The following ABCF3 variants were observed in gnomAD, a reference collection of about 807,000 sequenced individuals.
ABCF3 encodes the protein ATP binding cassette subfamily F member 3, also known as ATP-binding cassette sub-family F member 3.
A neutral mutation model predicts 94.3 loss-of-function variants in ABCF3; 62 were observed. The observed-to-expected ratio is 0.66, with a 90% confidence interval of 0.54 to 0.81. The LOEUF (loss-of-function observed/expected upper bound fraction) is 0.81. Ranked by LOEUF, ABCF3 falls within the 40% of genes least tolerant of loss-of-function variation. ABCF3 has a pLI of 0.00. For synonymous variants in ABCF3, 355 were observed against 361.1 expected (o/e 0.98, Z 0.19); for missense variants, 843 against 925.3 (o/e 0.91, Z 1.15).
chr3:184,187,061 C>A, intron 3 of ABCF3, 186 bp downstream of exon 3: 1 of 669,740 alleles, frequency 1.5e-6, no homozygotes. Context: ...AGGGTTCTCC[C>A]TCCAAGCTCT....
rs374036545 is a variant in ABCF3, at chr3:184,188,207, T to C, written c.636T>C (p.Asn212=). The change falls in exon 7 of 21, where the codon AAT becomes AAC. Residue 212 remains asparagine (N), a synonymous_variant. Transcript: ENST00000429586. Reference sequence around the variant, plus strand: ...GCCGTTACGGGCTGGTGGGGCGGAATGGGTTGGGGAAGACAACGTTACTGA... The same window carrying C: ...GCCGTTACGGGCTGGTGGGGCGGAACGGGTTGGGGAAGACAACGTTACTGA... The part of the protein sequence containing the change: ...WGRRYGLVGR[N]GLGKTTLLKM... 3 of 1,613,946 alleles carry C rather than the reference T, an allele frequency of 1.9e-6. No homozygotes were observed. Among genetic ancestry groups the C allele is most frequent in the South Asian group, 2.2e-5 (2 of 91,080 alleles).
chr3:184,187,802 TTTTGCCTGGACAGAAG>T (rs1286186913), intron 5 of ABCF3, 41 bp downstream of exon 5: 1 of 1,614,082 alleles, frequency 6.2e-7, no homozygotes, highest in Non-Finnish European at 8.5e-7. Flanking sequence ...GCAGAGCAGC[TTTTGCCTGGACAGAAG>T]GTGGTGGGGA....
intron 3 of ABCF3, 27 bp downstream of exon 3, chr3:184,186,902 C>T (rs371664101): frequency 1.8e-4 from 282 of 1,604,796 alleles, no homozygotes; most frequent in South Asian, 1.2e-3. Context: ...GTTGAACTAA[C>T]TGCCCCCCTG....
Position 184,187,691 on chromosome 3 carries a change from G to A in ABCF3, c.376G>A (p.Ala126Thr). The A allele has an allele frequency of 4.3e-6, 7 of 1,614,224 alleles. No homozygotes were observed. Among genetic ancestry groups the A allele is most frequent in the Non-Finnish European group, 5.9e-6 (7 of 1,180,048 alleles). ...AGTGAATGCAAAGAAGTTAGAGAAG[G>A]CCGAGGCTCGACTTAAGGCAAAGCA... ...STVNAKKLEK[A>T]EARLKAKQEK... is the part of the protein sequence containing the mutation. Residue 126 changes from alanine to threonine, a missense_variant, in exon 5 of 21, where the codon GCC becomes ACC. By Grantham distance (58) the Ala-to-Thr change is moderately conservative (BLOSUM62 0). Coordinates refer to ENST00000429586, the MANE Select transcript of ABCF3 (RefSeq NM_018358.3).
chr3:184,188,213 G>T lies in ABCF3; in HGVS notation c.642G>T (p.Leu214Phe), dbSNP rs1466315252. ...RRYGLVGRNG[L>F]GKTTLLKMLA... is the part of the protein sequence containing the mutation. ...ACGGGCTGGTGGGGCGGAATGGGTTGGGGAAGACAACGTTACTGAAGATGC... is the reference window on the plus strand; with the variant it reads ...ACGGGCTGGTGGGGCGGAATGGGTTTGGGAAGACAACGTTACTGAAGATGC... Residue 214 changes from leucine to phenylalanine, a missense_variant, in exon 7 of 21, where the codon TTG becomes TTT. Transcript: ENST00000429586. 6.2e-7 allele frequency: 1 copy of T among 1,613,978 alleles called. No individual in the cohort carries two copies. The highest frequency in any genetic ancestry group is 2.2e-5 in the East Asian group (1 of 44,894).
intron 16 of ABCF3, 93 bp downstream of exon 16, chr3:184,191,348 G>T: frequency 6.3e-7 from 1 of 1,579,876 alleles, no homozygotes; most frequent in South Asian, 1.1e-5. Context: ...GTAAAGGGAC[G>T]AGGTCTGTGG....
intron 16 of ABCF3, 122 bp from the exon 17 acceptor site, chr3:184,192,479 G>A: frequency 1.1e-6 from 1 of 945,374 alleles, no homozygotes; most frequent in Non-Finnish European, 1.6e-6. Context: ...CCAGCCTCTA[G>A]TAACCACAAC....
chr3:184,193,121 C>A lies in ABCF3; in HGVS notation c.1770C>A (p.Tyr590Ter). The part of the protein sequence containing the change: ...RKFPGRPEEE[Y>*]RHQLGRYGIS... ...TTCCAGGGCGGCCTGAGGAGGAGTA[C>A]CGTCACCAGCTGGGTCGGTATGGCA... The change falls in exon 19 of 21, where the codon TAC (tyrosine) becomes TAA (stop). Residue 590 changes from tyrosine to a stop codon, truncating the protein, a stop_gained. Transcript: ENST00000429586. LOFTEE classifies it high-confidence loss of function. The surrounding 1 kb of genome is among the most constrained non-coding windows in gnomAD (Gnocchi z 5.2). 6.5e-7 allele frequency: 1 copy of A among 1,545,300 alleles called. No homozygotes were observed. Among genetic ancestry groups the A allele is most frequent in the Non-Finnish European group, 8.7e-7 (1 of 1,147,530 alleles).
chr3:184,191,222 T>G lies in ABCF3; in HGVS notation c.1536T>G (p.Ser512=). 1 of 1,614,250 alleles carries G rather than the reference T, an allele frequency of 6.2e-7. No homozygotes were observed. Among genetic ancestry groups the G allele is most frequent in the Non-Finnish European group, 8.5e-7 (1 of 1,180,044 alleles). The change falls in exon 16 of 21, where the codon TCT becomes TCG. Residue 512 remains serine (S), a synonymous_variant. Transcript: ENST00000429586. ...AGCACGTCATCTTCAGTCGCCTCTC[T>G]GTGTCTGCTGATCTCGAGTCTCGCA... is the stretch of plus-strand genomic sequence containing the variant. ...DPKHVIFSRL[S]VSADLESRIC...
At chr3:184,191,694 A>G (rs1289686593) in intron 16 of ABCF3, among the ~76,000 whole-genome samples, 1 of 148,816 alleles carries the variant, frequency 6.7e-6, no homozygotes, top group Non-Finnish European at 1.5e-5. Flanking sequence ...GCACTTAGCA[A>G]ATACTCAAGT....
intron 14 of ABCF3, 74 bp downstream of exon 14, chr3:184,190,005 G>GCC: frequency 6.6e-7 from 1 of 1,518,736 alleles, no homozygotes; most frequent in African/African-American, 1.4e-5. Context: ...CGCCACCCTT[G>GCC]CCCTACCATT....
chr3:184,191,406 C>A, intron 16 of ABCF3, 151 bp downstream of exon 16: 1 of 1,137,942 alleles, frequency 8.8e-7, no homozygotes, highest in Non-Finnish European at 1.3e-6. Context: ...CTTACACTAG[C>A]CCTGTCCTCT....
intron 15 of ABCF3, 34 bp from the exon 16 acceptor site, chr3:184,191,089 G>C: frequency 6.2e-7 from 1 of 1,614,224 alleles, no homozygotes; most frequent in African/African-American, 1.3e-5. Context: ...CTTGCTTCCA[G>C]CTGCCCCCAC....
chr3:184,189,063 A>G (rs766675723), intron 9 of ABCF3, 25 bp from the exon 10 acceptor site: 6 of 1,614,062 alleles, frequency 3.7e-6, no homozygotes, highest in Middle Eastern at 1.6e-4. Context: ...ACACCCACCC[A>G]TAATGTGACT....
chr3:184,189,715 G>T lies in ABCF3; in HGVS notation c.1272G>T (p.Gln424His). The change falls in exon 13 of 21, where the codon CAG becomes CAT. Residue 424 changes from glutamine (Q) to histidine (H), a missense_variant. Transcript: ENST00000429586. ...AGCAGGAGCGGCTGCTCAACCAGCA[G>T]CGTGAATATGAGGCGCAGCAGCAGT... ...KSKQERLLNQ[Q>H]REYEAQQQYR... 3.7e-6 allele frequency: 6 copies of T among 1,614,072 alleles called. No homozygotes were observed. The highest frequency in any genetic ancestry group is 5.1e-6 in the Non-Finnish European group (6 of 1,180,016).
chr3:184,190,943 T>C (rs1715978340), intron 14 of ABCF3, 56 bp from the exon 15 acceptor site: 2 of 1,592,248 alleles, frequency 1.3e-6, no homozygotes, highest in East Asian at 2.3e-5. Flanking sequence ...ATATTACTCG[T>C]GTAGGAAGTT....
Position 184,186,591 on chromosome 3 carries a change from G to C in ABCF3, c.158G>C (p.Gly53Ala). ...GGGGAACTATTGCAAGAGGTGTCCG[G>C]GGACAGCAAGGATGACGCGGGCATC... ...AVGELLQEVS[G>A]DSKDDAGIRA... Residue 53 changes from glycine to alanine, a missense_variant, in exon 2 of 21, where the codon GGG (glycine) becomes GCG (alanine). By Grantham distance (60) the Gly-to-Ala change is moderately conservative. Transcript: ENST00000429586. 4 of 1,614,032 alleles carry C rather than the reference G, an allele frequency of 2.5e-6. No individual in the cohort carries two copies. Among genetic ancestry groups the C allele is most frequent in the Non-Finnish European group, 3.4e-6 (4 of 1,179,944 alleles).
chr3:184,192,531 A>G (rs1015619070), intron 16 of ABCF3, 70 bp from the exon 17 acceptor site: 16 of 1,403,546 alleles, frequency 1.1e-5, no homozygotes, highest in African/African-American at 1.4e-5. Context: ...TTTAGTGCCC[A>G]CATATGAATG....
chr3:184,192,741 G>T, intron 17 of ABCF3, 52 bp downstream of exon 17: 1 of 1,609,466 alleles, frequency 6.2e-7, no homozygotes. Context: ...AGGCACCCAT[G>T]CTGCCTGCGC....
Sources: allele counts gnomAD v4.1 joint callset (sites outside exome capture counted in the v4.1 genomes callset), GRCh38; gene constraint gnomAD v4.1.1; non-coding constraint Gnocchi (gnomAD v3.1); transcripts MANE v1.5; gene names NCBI Gene and HGNC (gene_info 2026-07-23, HGNC 2026-07-21).